The following EPHB4 variants were observed in gnomAD, a reference collection of about 807,000 sequenced individuals.
The protein encoded by EPHB4 is ephrin type-B receptor 4.
A neutral mutation model predicts 110.6 loss-of-function variants in EPHB4; 50 were observed. That is an observed-to-expected ratio of 0.45 (90% CI 0.36 to 0.57). The LOEUF (loss-of-function observed/expected upper bound fraction) is 0.57, where lower values mean the gene tolerates loss of function less well. EPHB4 is among the 20% of genes least tolerant of loss of function. The pLI, the probability that EPHB4 is intolerant of heterozygous loss-of-function variation, is 0.00. For missense variants in EPHB4, 1,128 were observed against 1,382.1 expected, an observed-to-expected ratio of 0.82 and a Z score of 2.91; for synonymous variants, 592 against 578.4, an observed-to-expected ratio of 1.02 and a Z score of -0.34.
intron 3 of EPHB4, 102 bp downstream of exon 3, chr7:100,823,542 G>A (rs1024249724): frequency 5.5e-5 from 80 of 1,453,096 alleles, no homozygotes; most frequent in Non-Finnish European, 7.2e-5. Flanking sequence ...CCCAGCGCGC[G>A]GGCCAGAGGC....
chr7:100,818,675 G>C (rs2116447708), intron 6 of EPHB4, 31 bp from the exon 7 acceptor site: 1 of 1,598,514 alleles, frequency 6.3e-7, no homozygotes, highest in East Asian at 2.2e-5. Context: ...GGGAACCCTT[G>C]TGCATGGTAG....
At chr7:100,807,317 C>T in intron 13 of EPHB4, 48 bp downstream of exon 13, 3 of 1,593,430 alleles carry the variant, frequency 1.9e-6, no homozygotes, top group Non-Finnish European at 1.7e-6. Flanking sequence ...ACCTGCCCTG[C>T]CCACCTGGCC....
intron 12 of EPHB4, among the ~76,000 whole-genome samples, chr7:100,810,064 AT>A (rs1179395929): frequency 1.3e-5 from 2 of 152,126 alleles, no homozygotes; most frequent in Non-Finnish European, 2.9e-5. Context: ...ATCCTGGCCA[AT>A]ATGGTGAAAC....
intron 1 of EPHB4, chr7:100,826,673 A>C: frequency 3.4e-6 from 1 of 298,162 alleles, no homozygotes. Flanking sequence ...ATAGTGGGGT[A>C]GGGAGGAAAG....
chr7:100,812,951 C>T lies in EPHB4; in HGVS notation c.1914G>A (p.Gly638=). 1 of 1,614,036 alleles carries T rather than the reference C, an allele frequency of 6.2e-7. No homozygotes were observed. The highest frequency in any genetic ancestry group is 8.5e-7 in the Non-Finnish European group (1 of 1,179,898). ...EVCRGRLKAP[G]KKESCVAIKT... Reference sequence around the variant, plus strand: ...TGATTGCCACACAGCTCTCCTTCTTCCCTGGGGCCTTGAGCCGCCCCCGGC... The same window carrying T: ...TGATTGCCACACAGCTCTCCTTCTTTCCTGGGGCCTTGAGCCGCCCCCGGC... Residue 638 remains glycine, a synonymous_variant, in exon 12 of 17, where the codon GGG becomes GGA. Coordinates refer to ENST00000358173, the MANE Select transcript of EPHB4 (RefSeq NM_004444.5).
At chr7:100,803,966 G>A (rs1812757848) in intron 16 of EPHB4, among the ~76,000 whole-genome samples, 1 of 152,164 alleles carries the variant, frequency 6.6e-6, no homozygotes, top group South Asian at 2.1e-4. Context: ...TGGAGAGGAA[G>A]AGGAGGTTGC....
In EPHB4 at chr7:100,818,520, C is replaced by T. The variant is rs1328879787; in HGVS notation, c.1422G>A (p.Lys474=). Reference sequence around the variant, plus strand: ...CCCCAGGGCTGGGGGATGGCCTTACCTTCTCATGGTATTTGACCTCGTAGT... The same window carrying T: ...CCCCAGGGCTGGGGGATGGCCTTACTTTCTCATGGTATTTGACCTCGTAGT... The part of the protein sequence containing the change: ...VLDYEVKYHE[K]GAEGPSSVRF... The change falls in exon 7 of 17, where the codon AAG becomes AAA. Residue 474 remains lysine, a splice_region_variant and synonymous_variant. Coordinates refer to ENST00000358173, the MANE Select transcript of EPHB4 (RefSeq NM_004444.5). 6.2e-7 allele frequency: 1 copy of T among 1,613,954 alleles called. No homozygotes were observed. Among genetic ancestry groups the T allele is most frequent in the South Asian group, 1.1e-5 (1 of 91,070 alleles).
intron 10 of EPHB4, 161 bp downstream of exon 10, chr7:100,813,488 GTAT>G: frequency 1.3e-6 from 1 of 768,884 alleles, no homozygotes; most frequent in Non-Finnish European, 2.1e-6. Context: ...GCTGACTGAT[GTAT>G]TTTTTATAGA....
chr7:100,822,565 C>T lies in EPHB4; in HGVS notation c.514G>A (p.Ala172Thr), dbSNP rs754975511. The part of the protein sequence containing the change: ...KTLRLGPLSK[A>T]GFYLAFQDQG... ...TCCTGGAAGGCCAGGTAGAAGCCAGCCTTGCTGAGCGGTCCCAGACGCAGC... is the reference window on the plus strand; with the variant it reads ...TCCTGGAAGGCCAGGTAGAAGCCAGTCTTGCTGAGCGGTCCCAGACGCAGC... Residue 172 changes from alanine (A) to threonine (T), a missense_variant, in exon 4 of 17, where the codon GCT (alanine) becomes ACT (threonine). Physicochemically the swap from Ala to Thr is moderately conservative, Grantham distance 58. Coordinates refer to ENST00000358173, the MANE Select transcript of EPHB4 (RefSeq NM_004444.5). This position sits in a 1 kb window ranked among gnomAD's most constrained non-coding sequence, Gnocchi z 4.7. 2 of 1,613,040 alleles carry T rather than the reference C, an allele frequency of 1.2e-6. No homozygotes were observed. Among genetic ancestry groups the T allele is most frequent in the Non-Finnish European group, 1.7e-6 (2 of 1,179,916 alleles).
chr7:100,804,220 C>CA (rs1012505626), intron 16 of EPHB4, among the ~76,000 whole-genome samples: 3 of 150,274 alleles, frequency 2.0e-5, no homozygotes, highest in Non-Finnish European at 4.4e-5. Flanking sequence ...AGGCTGCTCT[C>CA]AAACTCCTGG....
rs182569289 is a variant in EPHB4, at chr7:100,806,148, C to A, written c.2484+272G>T. The A allele has an allele frequency of 7.2e-4, 191 of 263,732 alleles. 1 individual carries two copies. Among genetic ancestry groups the A allele is most frequent in the African/African-American group, 4.0e-3 (180 of 45,074 alleles). 16.3% of individuals were successfully genotyped at this position (263,732 alleles called of 1,614,324 possible). ...CTAATTTTTTGTATTTTTTTAGAGACGGGGTTTCACCATGTTGGCCAGGCT... is the reference window on the plus strand; with the variant it reads ...CTAATTTTTTGTATTTTTTTAGAGAAGGGGTTTCACCATGTTGGCCAGGCT... On this transcript the variant is annotated intron_variant, in intron 14 of 16. Transcript: ENST00000358173.
At chr7:100,819,155 C>A (rs903578813) in intron 6 of EPHB4, among the ~76,000 whole-genome samples, 2 of 152,178 alleles carry the variant, frequency 1.3e-5, no homozygotes, top group African/African-American at 4.8e-5. Context: ...CTCTGTCACC[C>A]AGGCTGGCAT....
rs189190789 is a variant in EPHB4, at chr7:100,813,230, C to T, written c.1757-22G>A. ...GTACCTGAGAAATCAGGCAGGGCCCCGTCAGCTGGGAATTAACTCCCACTG... is the reference window on the plus strand; with the variant it reads ...GTACCTGAGAAATCAGGCAGGGCCCTGTCAGCTGGGAATTAACTCCCACTG... On this transcript the variant is annotated intron_variant, in intron 10 of 16. Transcript: ENST00000358173. 6.1e-4 allele frequency: 971 copies of T among 1,590,934 alleles called. 1 individual carries two copies. The African/African-American group carries it at 7.4e-3, about 12-fold the overall frequency.
Position 100,819,857 on chromosome 7 carries a change from G to A in EPHB4, c.997C>T (p.Arg333Cys), listed in dbSNP as rs772457252. 9.7e-6 allele frequency: 15 copies of A among 1,551,096 alleles called. No homozygotes were observed. The African/African-American group carries it at 1.1e-4, about 11-fold the overall frequency. The change falls in exon 6 of 17, where the codon CGC becomes TGC. Residue 333 changes from arginine to cysteine, a missense_variant. Arg to Cys is a radical substitution (Grantham distance 180). Coordinates refer to ENST00000358173, the MANE Select transcript of EPHB4 (RefSeq NM_004444.5). ...PPSAPRSVVS[R>C]LNGSSLHLEW... ...AGGTGCAGGGAGGAGCCGTTCAGGC[G>A]GGAAACCACGCTCCGCGGAGCCGAA... is the stretch of plus-strand genomic sequence containing the variant.
intron 8 of EPHB4, among the ~76,000 whole-genome samples, chr7:100,815,407 G>A (rs982776996): frequency 3.3e-5 from 5 of 152,106 alleles, no homozygotes; most frequent in Non-Finnish European, 4.4e-5. Flanking sequence ...CATTCTGCTC[G>A]GTGAACAGTC....
At position 100,807,528 on chromosome 7, in the gene EPHB4, A is replaced by G. The variant is rs1219200408; in HGVS notation, c.2171T>C (p.Ile724Thr). The change falls in exon 13 of 17, where the codon ATC becomes ACC. Residue 724 changes from isoleucine to threonine, a missense_variant. Coordinates refer to ENST00000358173, the MANE Select transcript of EPHB4 (RefSeq NM_004444.5). The part of the protein sequence containing the change: ...VIQLVGMLRG[I>T]ASGMRYLAEM... The stretch of plus-strand genomic sequence containing the variant: ...GGCAAGGTACCGCATGCCCGAGGCG[A>G]TGCCCCGCAGCATGCCCACGAGCTG... 5.0e-6 allele frequency: 8 copies of G among 1,613,886 alleles called. No homozygotes were observed. The highest frequency in any genetic ancestry group is 6.8e-6 in the Non-Finnish European group (8 of 1,180,008).
At chr7:100,813,306 GTTTTTTTTTTT>G (rs750195537) in intron 10 of EPHB4, 98 bp from the exon 11 acceptor site, 46 of 385,928 alleles carry the variant, frequency 1.2e-4, no homozygotes, top group Middle Eastern at 1.5e-3. Context: ...TGTCTCCGTG[GTTTTTTTTTTT>G]TTTTTTTTTT....
chr7:100,820,781 T>C (rs915301135), intron 4 of EPHB4, among the ~76,000 whole-genome samples: 3 of 152,048 alleles, frequency 2.0e-5, no homozygotes, highest in Admixed American at 6.5e-5. Context: ...TCTTAACATA[T>C]AGCAGCAAGT....
At chr7:100,817,593 C>T (rs1352107814) in intron 7 of EPHB4, among the ~76,000 whole-genome samples, 1 of 152,184 alleles carries the variant, frequency 6.6e-6, no homozygotes, top group Non-Finnish European at 1.5e-5. Context: ...CGACTCACTG[C>T]AGCCTCGACC....
Sources: allele counts gnomAD v4.1 joint callset (sites outside exome capture counted in the v4.1 genomes callset), GRCh38; gene constraint gnomAD v4.1.1; non-coding constraint Gnocchi (gnomAD v3.1); transcripts MANE v1.5; gene names NCBI Gene and HGNC (gene_info 2026-07-23, HGNC 2026-07-21).